HDAC9: variants seen among roughly 807,000 people sequenced by gnomAD.
The protein encoded by HDAC9 is MEF-2 interacting transcription repressor (MITR) protein.
HDAC9 carries 41 observed loss-of-function variants against 139.4 expected under a neutral mutation model. The ratio of observed to expected loss-of-function variants is 0.29; its 90% CI spans 0.23 to 0.38. The LOEUF (loss-of-function observed/expected upper bound fraction) is 0.38, where lower values mean the gene tolerates loss of function less well. Ranked by LOEUF, HDAC9 falls within the 10% of genes least tolerant of loss-of-function variation. The pLI is 1.00. For missense variants in HDAC9, 1,147 were observed against 1,297.0 expected, an observed-to-expected ratio of 0.88 and a Z score of 1.78; for synonymous variants, 517 against 476.2, an observed-to-expected ratio of 1.09 and a Z score of -1.12.
chr7:18,838,026 G>A (rs1796350643), intron 21 of HDAC9, among the ~76,000 whole-genome samples: 1 of 151,980 alleles, frequency 6.6e-6, no homozygotes, highest in Non-Finnish European at 1.5e-5. Flanking sequence ...GGCTTTCAAT[G>A]TCCATATTTA....
intron 1 of HDAC9, among the ~76,000 whole-genome samples, chr7:18,131,656 A>C (rs964817743): frequency 6.6e-6 from 1 of 152,136 alleles, no homozygotes; most frequent in Non-Finnish European, 1.5e-5. Context: ...AGCTTTGGTC[A>C]TTGTCACTAC....
At chr7:18,807,907 G>C (rs1360001046) in intron 17 of HDAC9, 1 of 152,198 alleles carries the variant, frequency 6.6e-6, no homozygotes, top group Non-Finnish European at 1.5e-5. Flanking sequence ...GCTGCTGCTA[G>C]ATGGAATGTT....
intron 1 of HDAC9, among the ~76,000 whole-genome samples, chr7:18,299,851 A>T (rs1487286876): frequency 6.6e-6 from 1 of 152,204 alleles, no homozygotes; most frequent in African/African-American, 2.4e-5. Context: ...TTAGCAAGCA[A>T]GCACTGTTCC....
chr7:18,166,189 G>C (rs1788002570), intron 2 of HDAC9, among the ~76,000 whole-genome samples: 1 of 152,178 alleles, frequency 6.6e-6, no homozygotes, highest in African/African-American at 2.4e-5. Context: ...CCTTAGAATT[G>C]TGCAATGCTC....
At chr7:18,550,783 G>C (rs564839373) in intron 2 of HDAC9, among the ~76,000 whole-genome samples, 1 of 152,204 alleles carries the variant, frequency 6.6e-6, no homozygotes, top group African/African-American at 2.4e-5. Context: ...GAGTAGAGTG[G>C]TGAGAGGAGA....
chr7:18,240,851 G>C (rs1794143557), intron 2 of HDAC9, among the ~76,000 whole-genome samples: 1 of 152,124 alleles, frequency 6.6e-6, no homozygotes, highest in South Asian at 2.1e-4. Flanking sequence ...CTACTTCAGG[G>C]CTTTTGCATT....
At chr7:18,153,258 A>T (rs1528678) in intron 1 of HDAC9, among the ~76,000 whole-genome samples, 23,933 of 152,092 alleles carry the variant, frequency 0.16, 3,407 homozygotes, top group African/African-American at 0.38. Context: ...GAATAAAGTG[A>T]CAACAGCAGA....
At chr7:18,793,071 G>T in intron 16 of HDAC9, 1 of 408,392 alleles carries the variant, frequency 2.4e-6, no homozygotes, top group Non-Finnish European at 4.6e-6. Context: ...ACAGGGAATG[G>T]CAGTGAGGCA....
At chr7:18,413,369 C>G (rs1286828661) in intron 1 of HDAC9, among the ~76,000 whole-genome samples, 1 of 152,102 alleles carries the variant, frequency 6.6e-6, no homozygotes, top group African/African-American at 2.4e-5. Flanking sequence ...ACTAATGATT[C>G]CAATCTGGAG....
At chr7:18,853,973 T>C (rs1477027673) in intron 21 of HDAC9, among the ~76,000 whole-genome samples, 1 of 152,168 alleles carries the variant, frequency 6.6e-6, no homozygotes, top group Non-Finnish European at 1.5e-5. Context: ...TTAGTAAAAG[T>C]GGAATTAGCC....
intron 2 of HDAC9, among the ~76,000 whole-genome samples, chr7:18,528,221 G>A (rs992051934): frequency 6.6e-6 from 1 of 151,666 alleles, no homozygotes; most frequent in South Asian, 2.1e-4. Context: ...TGGGGAGGTC[G>A]AGGGTGCTTC....
At chr7:18,259,211 C>T (rs572499624) in intron 2 of HDAC9, among the ~76,000 whole-genome samples, 6 of 152,106 alleles carry the variant, frequency 3.9e-5, no homozygotes, top group African/African-American at 1.4e-4. Flanking sequence ...TCAAGTGATC[C>T]ACCTGCCTTG....
chr7:18,393,081 A>G (rs1391653655), intron 1 of HDAC9, among the ~76,000 whole-genome samples: 4 of 151,830 alleles, frequency 2.6e-5, no homozygotes, highest in Admixed American at 2.6e-4. Context: ...TCTTAAGTAA[A>G]TACAAAAAAA....
intron 1 of HDAC9, among the ~76,000 whole-genome samples, chr7:18,096,788 T>G (rs1584016255): frequency 1.3e-5 from 2 of 152,170 alleles, no homozygotes; most frequent in Admixed American, 1.3e-4. Context: ...ACTATTTTGT[T>G]TTAATCTGTG....
At chr7:18,903,212 T>C (rs1801891417) in intron 22 of HDAC9, among the ~76,000 whole-genome samples, 1 of 152,240 alleles carries the variant, frequency 6.6e-6, no homozygotes, top group South Asian at 2.1e-4. Flanking sequence ...AACCTGCATT[T>C]GGGTCCTGAC....
chr7:18,371,969 A>G (rs946818843), intron 1 of HDAC9, among the ~76,000 whole-genome samples: 1 of 152,190 alleles, frequency 6.6e-6, no homozygotes, highest in Non-Finnish European at 1.5e-5. Context: ...GACAGATCTT[A>G]TGCTAACTTA....
At chr7:18,525,484 C>T (rs1359675320) in intron 2 of HDAC9, among the ~76,000 whole-genome samples, 1 of 152,088 alleles carries the variant, frequency 6.6e-6, no homozygotes, top group Non-Finnish European at 1.5e-5. Context: ...AACTATACTT[C>T]TCTAAATTAC....
chr7:18,638,487 A>T (rs893624465), intron 8 of HDAC9, among the ~76,000 whole-genome samples: 6 of 152,004 alleles, frequency 3.9e-5, no homozygotes, highest in Admixed American at 3.9e-4. Flanking sequence ...TGGCTCCAAA[A>T]CCGGCTACCT....
At chr7:18,192,781 T>C (rs1790445478) in intron 2 of HDAC9, among the ~76,000 whole-genome samples, 1 of 152,188 alleles carries the variant, frequency 6.6e-6, no homozygotes, top group Admixed American at 6.5e-5. Flanking sequence ...TGCACACACG[T>C]TGTAACATTT....
Sources: gnomAD v4.1 joint callset for allele counts (sites outside exome capture counted in the v4.1 genomes callset) on GRCh38, gnomAD v4.1.1 for gene constraint, MANE v1.5 for transcripts, NCBI Gene and HGNC (gene_info 2026-07-23, HGNC 2026-07-21) for gene names.